Variants in FAM171B observed in about 807,000 individuals in gnomAD.
FAM171B encodes the protein protein FAM171B.
In FAM171B, 19 loss-of-function variants were observed where a neutral mutation model predicts 75.6. That is an observed-to-expected ratio of 0.25 (90% confidence interval 0.18 to 0.37). FAM171B has a LOEUF of 0.37. FAM171B is among the 10% of genes least tolerant of loss of function. FAM171B has a pLI of 1.00. For missense variants in FAM171B, 848 were observed against 982.4 expected (o/e 0.86, Z 1.83); for synonymous variants, 367 against 361.7 (o/e 1.01, Z -0.17).
In FAM171B at chr2:186,734,925, C is replaced by T. The variant is rs186978843; in HGVS notation, c.239-5303C>T. On this transcript the variant is annotated intron_variant, in intron 1 of 7. Transcript: ENST00000304698. ...ACCACAACTTTGCTTTGCCCCAGGG[C>T]TGGCACCGGGAGCAGGGAAAGGCCA... Among the ~76,000 whole-genome samples the T allele has an allele frequency of 9.8e-5, 15 of 152,336 alleles. No individual in the cohort carries two copies. In the East Asian group the frequency reaches 2.9e-3, roughly 29 times the overall value.
chr2:186,728,507 G>A (rs1433584451), intron 1 of FAM171B, among the ~76,000 whole-genome samples: 1 of 152,044 alleles, frequency 6.6e-6, no homozygotes, highest in Non-Finnish European at 1.5e-5. Flanking sequence ...CATTTCTATT[G>A]TTTCCAACCA....
chr2:186,729,643 G>C (rs1176954409), intron 1 of FAM171B, among the ~76,000 whole-genome samples: 1 of 152,092 alleles, frequency 6.6e-6, no homozygotes, highest in Non-Finnish European at 1.5e-5. Context: ...ACTTTGACCA[G>C]GCTTTCAGCT....
chr2:186,718,376 T>C (rs2105777790), intron 1 of FAM171B, among the ~76,000 whole-genome samples: 1 of 152,334 alleles, frequency 6.6e-6, no homozygotes, highest in East Asian at 1.9e-4. Context: ...GCATTTATTT[T>C]TCTAAAACTT....
intron 5 of FAM171B, 66 bp from the exon 6 acceptor site, chr2:186,753,867 A>G: frequency 6.6e-6 from 8 of 1,213,822 alleles, no homozygotes; most frequent in Non-Finnish European, 9.7e-6. Context: ...CCCATAATGT[A>G]TTCTGTGCAT....
chr2:186,762,129 A>T lies in FAM171B; in HGVS notation c.1787A>T (p.Gln596Leu). 1 of 1,613,712 alleles carries T rather than the reference A, an allele frequency of 6.2e-7. No individual in the cohort carries two copies. The highest frequency in any genetic ancestry group is 8.5e-7 in the Non-Finnish European group (1 of 1,179,784). Residue 596 changes from glutamine (Q) to leucine (L), a missense_variant, in exon 8 of 8, where the codon CAG becomes CTG. Coordinates refer to ENST00000304698, the MANE Select transcript of FAM171B (RefSeq NM_177454.4). This position sits in a 1 kb window ranked among gnomAD's most constrained non-coding sequence, Gnocchi z 4.0. ...AAAATGCCAATTCATTCTCATGCACAGCCCCCAGATGCCAGGGAAGAGGAT... is the reference window on the plus strand; with the variant it reads ...AAAATGCCAATTCATTCTCATGCACTGCCCCCAGATGCCAGGGAAGAGGAT... ...LPKMPIHSHA[Q>L]PPDAREEDII...
chr2:186,760,453 A>T (rs1290899759), intron 6 of FAM171B, among the ~76,000 whole-genome samples: 1 of 152,154 alleles, frequency 6.6e-6, no homozygotes, highest in Non-Finnish European at 1.5e-5. Flanking sequence ...GCAGCTGATA[A>T]TCAACATTCT....
chr2:186,729,086 C>T (rs546739287), intron 1 of FAM171B, among the ~76,000 whole-genome samples: 4 of 152,068 alleles, frequency 2.6e-5, no homozygotes, highest in Admixed American at 6.6e-5. Flanking sequence ...CACTACTTAA[C>T]GATGCTTGTA....
At chr2:186,748,863 T>TC (rs1690410516) in intron 4 of FAM171B, among the ~76,000 whole-genome samples, 1 of 152,096 alleles carries the variant, frequency 6.6e-6, no homozygotes, top group Non-Finnish European at 1.5e-5. Context: ...ATAAAAGCAT[T>TC]TACTAGAATG....
intron 1 of FAM171B, among the ~76,000 whole-genome samples, chr2:186,709,857 A>T (rs1320724528): frequency 6.6e-6 from 1 of 152,198 alleles, no homozygotes; most frequent in African/African-American, 2.4e-5. Context: ...TGAGACTTTT[A>T]AAAAATGTAA....
chr2:186,762,922 C>A lies in FAM171B; in HGVS notation c.*99C>A. The A allele has an allele frequency of 7.1e-7, 1 of 1,416,878 alleles. No homozygotes were observed. The highest frequency in any genetic ancestry group is 1.4e-5 in the South Asian group (1 of 71,092). The allele number at this position is 1,416,878 out of a possible 1,614,324, so 87.8% of individuals were successfully genotyped here. A position where few individuals can be genotyped will look rare whatever the true frequency, so the allele number is the denominator to read the frequency against. On this transcript the variant is annotated 3_prime_UTR_variant, in exon 8 of 8. Transcript: ENST00000304698. The surrounding 1 kb of genome is among the most constrained non-coding windows in gnomAD (Gnocchi z 4.0). ...TTAAGAAAATGAGACTGAGCAATCT[C>A]ATGGTTCTTGGACATGTCTCAAGCA...
intron 1 of FAM171B, among the ~76,000 whole-genome samples, chr2:186,732,401 T>C (rs1269119078): frequency 6.6e-6 from 1 of 152,198 alleles, no homozygotes; most frequent in East Asian, 1.9e-4. Flanking sequence ...TTGGAGTCCT[T>C]CGTGGTGTTG....
intron 1 of FAM171B, among the ~76,000 whole-genome samples, chr2:186,727,249 G>C (rs930742912): frequency 1.3e-5 from 2 of 152,170 alleles, no homozygotes; most frequent in Non-Finnish European, 2.9e-5. Flanking sequence ...AATCTGGTCA[G>C]TACAGAAGAG....
chr2:186,694,076 G>GGAGC lies in FAM171B; in HGVS notation c.-88_-85dup, dbSNP rs1689535247. ...GAGTGCTTGGCAGATTGCGCGAGGG[G>GGAGC]GAGCGAGCGAGCGGGCGCTGCCAGG... On this transcript the variant is annotated 5_prime_UTR_variant, in exon 1 of 8. Transcript: ENST00000304698. The GGAGC allele has an allele frequency of 6.6e-6, 9 of 1,369,316 alleles. No homozygotes were observed. The highest frequency in any genetic ancestry group is 7.3e-5 in the Admixed American group (2 of 27,500). The allele number at this position is 1,369,316 out of a possible 1,614,324, so 84.8% of individuals were successfully genotyped here.
chr2:186,694,366 G>A lies in FAM171B; in HGVS notation c.193G>A (p.Glu65Lys), dbSNP rs1689544697. 6.2e-7 allele frequency: 1 copy of A among 1,613,166 alleles called. No homozygotes were observed. Among genetic ancestry groups the A allele is most frequent in the East Asian group, 2.2e-5 (1 of 44,852 alleles). ...AAAGCAGCTGGAGGAGGCTGAGGAG[G>A]AGAGGACAGAGGTGCCTGGGGCAAC... is the stretch of plus-strand genomic sequence containing the variant. Reference protein sequence around the residue: ...QQKQLEEAEEERTEVPGATST... With the variant: ...QQKQLEEAEEKRTEVPGATST... The change falls in exon 1 of 8, where the codon GAG becomes AAG. Residue 65 changes from glutamate to lysine, a missense_variant. Physicochemically the swap from Glu to Lys is moderately conservative, Grantham distance 56 (BLOSUM62 1). This residue lies in a region of FAM171B where 665 missense variants were observed against 729.0 expected (regional missense o/e 0.91). Coordinates refer to ENST00000304698, the MANE Select transcript of FAM171B (RefSeq NM_177454.4).
chr2:186,713,898 T>C (rs1307358368), intron 1 of FAM171B, among the ~76,000 whole-genome samples: 1 of 152,226 alleles, frequency 6.6e-6, no homozygotes, highest in Non-Finnish European at 1.5e-5. Flanking sequence ...TATTCTTCTG[T>C]TCAGAAAATC....
intron 1 of FAM171B, among the ~76,000 whole-genome samples, chr2:186,732,660 G>T (rs1362390943): frequency 6.6e-6 from 1 of 152,214 alleles, no homozygotes; most frequent in Non-Finnish European, 1.5e-5. Flanking sequence ...CAGCTTCCAG[G>T]GTTGCTTTAC....
At chr2:186,724,143 C>A (rs1689996276) in intron 1 of FAM171B, among the ~76,000 whole-genome samples, 1 of 152,142 alleles carries the variant, frequency 6.6e-6, no homozygotes, top group Admixed American at 6.5e-5. Flanking sequence ...TCTATCCTTG[C>A]TTGTCATGAA....
chr2:186,743,050 T>C (rs2105786812), intron 2 of FAM171B, among the ~76,000 whole-genome samples: 1 of 152,240 alleles, frequency 6.6e-6, no homozygotes, highest in South Asian at 2.1e-4. Flanking sequence ...TGTGGGAAGG[T>C]AAAAGTGAAA....
chr2:186,718,771 A>G (rs1330619782), intron 1 of FAM171B, among the ~76,000 whole-genome samples: 1 of 152,200 alleles, frequency 6.6e-6, no homozygotes. Flanking sequence ...GGCAAATTTA[A>G]TTGATATCTT....
Sources: gnomAD v4.1 joint callset for allele counts (sites outside exome capture counted in the v4.1 genomes callset) on GRCh38, gnomAD v4.1.1 for gene constraint, gnomAD v4.1.1 regional missense constraint, Gnocchi (gnomAD v3.1) non-coding constraint, MANE v1.5 for transcripts, NCBI Gene and HGNC (gene_info 2026-07-23, HGNC 2026-07-21) for gene names.